IFT74: variants seen among roughly 807,000 people sequenced by gnomAD.
IFT74 encodes intraflagellar transport protein 74 homolog.
Under a neutral mutation model 96.7 loss-of-function variants are expected in IFT74, and 92 were observed. The observed-to-expected ratio is 0.95, with a 90% CI of 0.80 to 1.13. The LOEUF is 1.13. Ranked by LOEUF, IFT74 falls within the 50% of genes most tolerant of loss-of-function variation. The pLI is 0.00. For missense variants in IFT74, 811 were observed against 698.2 expected, an observed-to-expected ratio of 1.16 and a Z score of -1.82; for synonymous variants, 223 against 213.2, an observed-to-expected ratio of 1.05 and a Z score of -0.40.
chr9:27,034,058 T>C (rs368602682), intron 13 of IFT74, among the ~76,000 whole-genome samples: 4 of 152,160 alleles, frequency 2.6e-5, no homozygotes, highest in Admixed American at 6.6e-5. Context: ...CACAGTAGGA[T>C]TGACAAATAG....
chr9:26,967,176 G>A (rs1826662787), intron 2 of IFT74, among the ~76,000 whole-genome samples: 2 of 151,444 alleles, frequency 1.3e-5, no homozygotes, highest in Admixed American at 1.3e-4. Context: ...TGAATTTGTA[G>A]ATTAATTTGG....
chr9:26,962,088 G>GT lies in IFT74; in HGVS notation c.120+2dup, dbSNP rs551515830. On this transcript the variant is annotated splice_donor_variant, in intron 2 of 19. Transcript: ENST00000380062. LOFTEE classifies it high-confidence loss of function. Reference sequence around the variant, plus strand: ...AGGAAATATTCGAGTGGCAACTGCAGTAAGTTTGAAACAAATCTATTTACT... The same window carrying GT: ...AGGAAATATTCGAGTGGCAACTGCAGTTAAGTTTGAAACAAATCTATTTACT... 7.6e-4 allele frequency: 1,231 copies of GT among 1,613,954 alleles called. 1 individual carries two copies. The highest frequency in any genetic ancestry group is 1.0e-3 in the Non-Finnish European group (1,186 of 1,179,966).
chr9:27,031,885 C>CT (rs1045790779), intron 13 of IFT74, among the ~76,000 whole-genome samples: 3 of 151,888 alleles, frequency 2.0e-5, no homozygotes, highest in African/African-American at 7.2e-5. Context: ...TTGTTGAAAA[C>CT]TTTTTTTGTA....
At position 26,976,351 on chromosome 9, in the gene IFT74, T is replaced by G. The variant is rs548125654; in HGVS notation, c.121-1777T>G. ...TTTCTCAGCAAAGCAAATTTACTTTTGCGCAGTAGGGTGCTTCTTACAGGG... is the reference window on the plus strand; with the variant it reads ...TTTCTCAGCAAAGCAAATTTACTTTGGCGCAGTAGGGTGCTTCTTACAGGG... On this transcript the variant is annotated intron_variant, in intron 2 of 19. Transcript: ENST00000380062. 2.0e-5 allele frequency among the ~76,000 whole-genome samples: 3 copies of G among 152,326 alleles called. No individual in the cohort carries two copies. In the East Asian group the frequency reaches 5.8e-4, roughly 29 times the overall value.
intron 12 of IFT74, among the ~76,000 whole-genome samples, chr9:27,019,022 A>G (rs1829477669): frequency 6.6e-6 from 1 of 151,812 alleles, no homozygotes; most frequent in South Asian, 2.1e-4. Context: ...CCCAGACTGG[A>G]GTGCAAGTGG....
At chr9:26,964,699 C>T (rs796113397) in intron 2 of IFT74, among the ~76,000 whole-genome samples, 1 of 152,112 alleles carries the variant, frequency 6.6e-6, no homozygotes, top group African/African-American at 2.4e-5. Context: ...CATGACATTT[C>T]TTTTGATGCT....
intron 16 of IFT74, among the ~76,000 whole-genome samples, chr9:27,051,332 T>G (rs1243164226): frequency 6.6e-6 from 1 of 151,492 alleles, no homozygotes; most frequent in African/African-American, 2.4e-5. Flanking sequence ...TTTGCCGTAG[T>G]TTTTTTTTGT....
intron 17 of IFT74, 32 bp from the exon 18 acceptor site, chr9:27,056,302 A>G (rs1311285764): frequency 1.4e-6 from 2 of 1,474,976 alleles, no homozygotes; most frequent in Non-Finnish European, 9.3e-7. Flanking sequence ...CATATTTTCT[A>G]TAACCTGTCA....
At chr9:26,998,142 G>T in intron 8 of IFT74, 1 of 1,609,890 alleles carries the variant, frequency 6.2e-7, no homozygotes, top group South Asian at 1.1e-5. Context: ...GTACCATTAA[G>T]AGTAATTTGG....
chr9:26,990,122 A>T lies in IFT74; in HGVS notation c.526-12A>T. On this transcript the variant is annotated splice_polypyrimidine_tract_variant and intron_variant, in intron 7 of 19. Transcript: ENST00000380062. ...TTTATTTCTTACTAACTTATGTGTT[A>T]ACTTTATTCAGCTTAAAGCTCAAAA... 1 of 1,480,978 alleles carries T rather than the reference A, an allele frequency of 6.8e-7. No individual in the cohort carries two copies. 91.7% of individuals were successfully genotyped at this position (1,480,978 alleles called of 1,614,324 possible).
intron 6 of IFT74, among the ~76,000 whole-genome samples, chr9:26,986,904 T>C (rs573252851): frequency 2.0e-5 from 3 of 152,338 alleles, no homozygotes; most frequent in East Asian, 3.9e-4. Context: ...ATTATAAGCA[T>C]GAGCCATTGC....
In IFT74 at chr9:27,056,365, C is replaced by CT; in HGVS notation, c.1529_1530insT (p.His511ProfsTer6). 1 of 1,590,318 alleles carries CT rather than the reference C, an allele frequency of 6.3e-7. No homozygotes were observed. Among genetic ancestry groups the CT allele is most frequent in the South Asian group, 1.1e-5 (1 of 88,606 alleles). On this transcript the variant is annotated frameshift_variant, in exon 18 of 20. Coordinates refer to ENST00000380062, the MANE Select transcript of IFT74 (RefSeq NM_025103.4). LOFTEE classifies it high-confidence loss of function. ...CATCAGGAGAGAATGATATTATCAA[C>CT]CCACAGAAATGCCTTTAAGAAAATA...
intron 8 of IFT74, among the ~76,000 whole-genome samples, chr9:27,000,285 A>C (rs1359180551): frequency 6.6e-6 from 1 of 152,192 alleles, no homozygotes; most frequent in African/African-American, 2.4e-5. Flanking sequence ...AAGCAATTTA[A>C]GTGGTTGTAA....
At chr9:27,034,152 T>C (rs78285065) in intron 13 of IFT74, among the ~76,000 whole-genome samples, 1,810 of 152,326 alleles carry the variant, frequency 0.012, 36 homozygotes, top group African/African-American at 0.041. Context: ...AATGATTACT[T>C]TCCAGATTCA....
At chr9:27,026,811 A>G (rs1441139422) in intron 12 of IFT74, among the ~76,000 whole-genome samples, 1 of 152,326 alleles carries the variant, frequency 6.6e-6, no homozygotes, top group South Asian at 2.1e-4. Context: ...AACCTCTGGG[A>G]TACAGCAAAA....
At chr9:26,998,736 C>T (rs943814610) in intron 8 of IFT74, among the ~76,000 whole-genome samples, 4 of 151,970 alleles carry the variant, frequency 2.6e-5, no homozygotes, top group Non-Finnish European at 5.9e-5. Context: ...GTAATCCCAG[C>T]ACTTTGGGAG....
chr9:27,049,989 T>A (rs188333583), intron 16 of IFT74, among the ~76,000 whole-genome samples: 1,932 of 152,314 alleles, frequency 0.013, 35 homozygotes, highest in African/African-American at 0.045. Flanking sequence ...ACATGTAAGC[T>A]ATATAAAAAT....
chr9:26,960,762 A>G lies in IFT74; in HGVS notation c.-19-1187A>G, dbSNP rs543627180. 5.3e-5 allele frequency among the ~76,000 whole-genome samples: 8 copies of G among 152,284 alleles called. No individual in the cohort carries two copies. The South Asian group carries it at 1.2e-3, about 24-fold the overall frequency. On this transcript the variant is annotated intron_variant, in intron 1 of 19. Transcript: ENST00000380062. Reference sequence around the variant, plus strand: ...GAAGACCAGAGAATAGAGTATTTCAATTAAGATGTTTGAGGTGAAGCAATT... The same window carrying G: ...GAAGACCAGAGAATAGAGTATTTCAGTTAAGATGTTTGAGGTGAAGCAATT...
intron 12 of IFT74, among the ~76,000 whole-genome samples, chr9:27,022,852 AG>A (rs1305270202): frequency 6.6e-6 from 1 of 152,100 alleles, no homozygotes; most frequent in Non-Finnish European, 1.5e-5. Context: ...TGTGTTAGCC[AG>A]GATGGTCTTG....
Sources: gnomAD v4.1 joint callset for allele counts (sites outside exome capture counted in the v4.1 genomes callset) on GRCh38, gnomAD v4.1.1 for gene constraint, MANE v1.5 for transcripts, NCBI Gene and HGNC (gene_info 2026-07-23, HGNC 2026-07-21) for gene names.